TMEM154: variants seen among roughly 807,000 people sequenced by gnomAD.
TMEM154 encodes the protein transmembrane protein 154.
TMEM154 carries 27 observed loss-of-function variants against 24.5 expected under a neutral mutation model. The ratio of observed to expected loss-of-function variants is 1.10; its 90% confidence interval spans 0.81 to 1.52. The LOEUF (loss-of-function observed/expected upper bound fraction) is 1.52. TMEM154 is among the 40% of genes most tolerant of loss of function. The pLI, the probability that TMEM154 is intolerant of heterozygous loss-of-function variation, is 0.00. For synonymous variants in TMEM154, 67 were observed against 76.8 expected (o/e 0.87, Z 0.67); for missense variants, 228 against 213.4 (o/e 1.07, Z -0.43).
At chr4:152,637,675 G>A (rs549613677) in intron 6 of TMEM154, among the ~76,000 whole-genome samples, 1 of 152,228 alleles carries the variant, frequency 6.6e-6, no homozygotes, top group South Asian at 2.1e-4. Flanking sequence ...AACTCAGAGA[G>A]CTAAAGTGAC....
chr4:152,679,574 T>C (rs1023085878), intron 1 of TMEM154, among the ~76,000 whole-genome samples: 1 of 152,156 alleles, frequency 6.6e-6, no homozygotes, highest in African/African-American at 2.4e-5. Context: ...TTTATGGTTT[T>C]CTTAATATGC....
At chr4:152,655,042 T>C (rs1299504774) in intron 1 of TMEM154, among the ~76,000 whole-genome samples, 1 of 151,824 alleles carries the variant, frequency 6.6e-6, no homozygotes, top group Non-Finnish European at 1.5e-5. Context: ...AAAAAAAAAC[T>C]ACCAATGTTT....
At chr4:152,644,494 C>A (rs1347034247) in intron 3 of TMEM154, 52 bp from the exon 4 acceptor site, 2 of 1,582,344 alleles carry the variant, frequency 1.3e-6, no homozygotes, top group Admixed American at 3.3e-5. Context: ...TCTGTAACAA[C>A]TTTTAATTTC....
chr4:152,636,784 G>T (rs959174590), intron 6 of TMEM154, among the ~76,000 whole-genome samples: 3 of 152,218 alleles, frequency 2.0e-5, no homozygotes, highest in African/African-American at 7.2e-5. Flanking sequence ...GATAACAGAG[G>T]TTCTATGTCA....
At chr4:152,630,091 A>G (rs999895049) in intron 6 of TMEM154, among the ~76,000 whole-genome samples, 13 of 152,122 alleles carry the variant, frequency 8.5e-5, no homozygotes, top group African/African-American at 3.1e-4. Flanking sequence ...AGGCAGGAGG[A>G]TTGCTTGAGT....
intron 1 of TMEM154, among the ~76,000 whole-genome samples, chr4:152,674,145 T>G (rs1227407657): frequency 6.6e-6 from 1 of 151,950 alleles, no homozygotes; most frequent in African/African-American, 2.4e-5. Flanking sequence ...TTAGGAGAGA[T>G]ATATATTTTT....
In TMEM154 at chr4:152,648,047, G is replaced by A. The variant is rs143005623; in HGVS notation, c.365-3605C>T. Among the ~76,000 whole-genome samples the A allele has an allele frequency of 5.9e-3, 894 of 152,160 alleles. 6 individuals carry two copies. Among genetic ancestry groups the A allele is most frequent in the Non-Finnish European group, 8.6e-3 (583 of 68,006 alleles). On this transcript the variant is annotated intron_variant, in intron 3 of 6. Transcript: ENST00000304385. ...AGAAAGAAAAGAAGAAAAAAGAGAA[G>A]GAAGGAAGGAAGGGAAACAAGTCAC...
intron 6 of TMEM154, among the ~76,000 whole-genome samples, chr4:152,632,845 T>C (rs540605306): frequency 2.0e-5 from 3 of 152,294 alleles, no homozygotes; most frequent in Non-Finnish European, 2.9e-5. Flanking sequence ...TAACCTTTCT[T>C]AGCCGGAGTT....
intron 1 of TMEM154, 125 bp from the exon 2 acceptor site, chr4:152,653,052 C>A: frequency 1.1e-6 from 1 of 946,464 alleles, no homozygotes; most frequent in Non-Finnish European, 1.5e-6. Flanking sequence ...ACTTGGCCTC[C>A]AAGCTAAGTG....
intron 6 of TMEM154, among the ~76,000 whole-genome samples, chr4:152,635,316 C>T (rs1752127206): frequency 6.6e-6 from 1 of 152,034 alleles, no homozygotes; most frequent in South Asian, 2.1e-4. Context: ...TGAAATATCT[C>T]TTATTTTAAC....
chr4:152,652,177 A>C (rs1728397339), intron 3 of TMEM154, among the ~76,000 whole-genome samples: 1 of 152,190 alleles, frequency 6.6e-6, no homozygotes, highest in Non-Finnish European at 1.5e-5. Flanking sequence ...GAATTATCAA[A>C]ATGTAATGCA....
At chr4:152,647,348 G>A (rs1172597740) in intron 3 of TMEM154, 1 of 984,756 alleles carries the variant, frequency 1.0e-6, no homozygotes, top group Non-Finnish European at 1.2e-6. Flanking sequence ...ATCAAATTTT[G>A]CTCATGTAAA....
At chr4:152,641,900 A>ATTTTT (rs1187613841) in intron 5 of TMEM154, among the ~76,000 whole-genome samples, 2 of 65,648 alleles carry the variant, frequency 3.0e-5, no homozygotes, top group Non-Finnish European at 6.1e-5. Flanking sequence ...GGTAGCAATA[A>ATTTTT]TTCTTTTTTT....
chr4:152,630,519 T>C (rs914235721), intron 6 of TMEM154, among the ~76,000 whole-genome samples: 6 of 152,132 alleles, frequency 3.9e-5, no homozygotes, highest in African/African-American at 1.4e-4. Context: ...CAGGAGTCTA[T>C]CTCTACAGAA....
At chr4:152,640,708 T>A (rs552206337) in intron 6 of TMEM154, among the ~76,000 whole-genome samples, 7 of 152,332 alleles carry the variant, frequency 4.6e-5, no homozygotes, top group African/African-American at 1.7e-4. Context: ...TCAATACTCA[T>A]TTATTTCTAA....
intron 1 of TMEM154, among the ~76,000 whole-genome samples, chr4:152,667,520 G>A (rs1477584376): frequency 6.6e-6 from 1 of 152,204 alleles, no homozygotes; most frequent in Non-Finnish European, 1.5e-5. Flanking sequence ...TCGAGAAGAG[G>A]AGGGATTGCT....
rs1561047606 is a variant in TMEM154 at position 152,643,157 on chromosome 4, C to G, written c.409G>C (p.Asp137His). The change falls in exon 5 of 7, where the codon GAT becomes CAT. Residue 137 changes from aspartate to histidine, a missense_variant. By Grantham distance (81) the Asp-to-His change is moderately conservative. Coordinates refer to ENST00000304385, the MANE Select transcript of TMEM154 (RefSeq NM_152680.3). ...TCAATTTCCATAACAGAGGGTGTAT[C>G]TTCCTCAAAAATAGGGCTAGAAATA... is the stretch of plus-strand genomic sequence containing the variant. Reference protein sequence around the residue: ...ENVKVPIFEEDTPSVMEIEME... With the variant: ...ENVKVPIFEEHTPSVMEIEME... 11 of 1,610,176 alleles carry G rather than the reference C, an allele frequency of 6.8e-6. No homozygotes were observed. Among genetic ancestry groups the G allele is most frequent in the Non-Finnish European group, 8.5e-6 (10 of 1,178,854 alleles).
chr4:152,641,036 C>T (rs1354192395), intron 5 of TMEM154, 51 bp from the exon 6 acceptor site: 1 of 1,560,934 alleles, frequency 6.4e-7, no homozygotes, highest in African/African-American at 1.4e-5. Flanking sequence ...ATCGTATTTT[C>T]TATCCACAAA....
chr4:152,660,743 C>T (rs900826657), intron 1 of TMEM154, among the ~76,000 whole-genome samples: 1 of 152,214 alleles, frequency 6.6e-6, no homozygotes, highest in Admixed American at 6.5e-5. Flanking sequence ...CTCCTGCTCC[C>T]ATTCCTCCGC....
Sources: gnomAD v4.1 joint callset for allele counts (sites outside exome capture counted in the v4.1 genomes callset) on GRCh38, gnomAD v4.1.1 for gene constraint, MANE v1.5 for transcripts, NCBI Gene and HGNC (gene_info 2026-07-23, HGNC 2026-07-21) for gene names.